Variants in DOCK8 observed in about 807,000 individuals in gnomAD.
The protein encoded by DOCK8 is dedicator of cytokinesis protein 8.
Under a neutral mutation model 245.6 loss-of-function variants are expected in DOCK8, and 141 were observed. The ratio of observed to expected loss-of-function variants is 0.57; its 90% CI spans 0.50 to 0.66. The LOEUF (loss-of-function observed/expected upper bound fraction) is 0.66. Among genes scored for constraint, DOCK8 ranks in the 30% least tolerant of loss-of-function variants. The probability of loss-of-function intolerance (pLI) is 0.00; values close to 1 mark genes in which losing one functional copy is unlikely to be tolerated. For synonymous variants in DOCK8, 1,168 were observed against 970.2 expected (o/e 1.20, Z -3.79); for missense variants, 2,965 against 2,603.4 (o/e 1.14, Z -3.02).
chr9:455,535 T>A (rs1316581668), intron 46 of DOCK8, among the ~76,000 whole-genome samples: 3 of 152,020 alleles, frequency 2.0e-5, no homozygotes, highest in East Asian at 1.9e-4. Flanking sequence ...AAAATGCAGA[T>A]TCTGATTCAG....
rs1310228274 is a variant in DOCK8, at chr9:214,880, C to T, written c.-97C>T. On this transcript the variant is annotated 5_prime_UTR_variant, in exon 1 of 48. Coordinates refer to ENST00000432829, the MANE Select transcript of DOCK8 (RefSeq NM_203447.4). ...AGCGCCGACCGACAGACGAGGTTTG[C>T]GCTTGGCTGGGCATGTTCCGCGGCT... 1 of 1,601,696 alleles carries T rather than the reference C, an allele frequency of 6.2e-7. No individual in the cohort carries two copies. Among genetic ancestry groups the T allele is most frequent in the East Asian group, 2.3e-5 (1 of 43,832 alleles).
At chr9:341,124 A>C (rs376638293) in intron 14 of DOCK8, among the ~76,000 whole-genome samples, 1 of 152,246 alleles carries the variant, frequency 6.6e-6, no homozygotes, top group African/African-American at 2.4e-5. Context: ...CACTAATCAC[A>C]TGTAGCTGTT....
chr9:323,522 A>G lies in DOCK8; in HGVS notation c.828-2149A>G, dbSNP rs533052295. Among the ~76,000 whole-genome samples, 68 of 152,244 alleles carry G rather than the reference A, an allele frequency of 4.5e-4. 1 individual carries two copies. The South Asian group carries it at 4.8e-3, about 11-fold the overall frequency. ...AGGCATGAGCCACTGCGCCTGGCCA[A>G]AATCTACCATCTTAACCATTTTTAA... On this transcript the variant is annotated intron_variant, in intron 7 of 47. Transcript: ENST00000432829.
chr9:230,845 G>A (rs1423201430), intron 1 of DOCK8, among the ~76,000 whole-genome samples: 1 of 152,102 alleles, frequency 6.6e-6, no homozygotes, highest in Non-Finnish European at 1.5e-5. Context: ...CTCCCATTCT[G>A]TAGGTTGCCT....
chr9:375,312 G>A (rs955316475), intron 18 of DOCK8, among the ~76,000 whole-genome samples: 1 of 152,076 alleles, frequency 6.6e-6, no homozygotes, highest in African/African-American at 2.4e-5. Flanking sequence ...AATTTCAATG[G>A]GAATTTAAGG....
At chr9:317,185 C>A in intron 7 of DOCK8, 57 bp downstream of exon 7, 1 of 1,341,974 alleles carries the variant, frequency 7.5e-7, no homozygotes, top group Non-Finnish European at 1.1e-6. Flanking sequence ...CTTTTACATA[C>A]AAATGTTGTG....
At chr9:448,178 GA>G (rs2057323183) in intron 44 of DOCK8, among the ~76,000 whole-genome samples, 2 of 151,888 alleles carry the variant, frequency 1.3e-5, no homozygotes, top group African/African-American at 4.8e-5. Context: ...CTGCAGCCTC[GA>G]CCTCCTGGGC....
At chr9:329,355 T>C (rs2050904184) in intron 9 of DOCK8, among the ~76,000 whole-genome samples, 1 of 152,146 alleles carries the variant, frequency 6.6e-6, no homozygotes, top group Non-Finnish European at 1.5e-5. Flanking sequence ...GTGTTTTATG[T>C]CTGTAGTCTC....
chr9:439,294 T>G lies in DOCK8; in HGVS notation c.5129T>G (p.Leu1710Arg). The change falls in exon 40 of 48, where the codon CTG becomes CGG. Residue 1710 changes from leucine (L) to arginine (R), a missense_variant. Physicochemically the swap from Leu to Arg is moderately radical, Grantham distance 102. Around this residue, in one of 3 missense-constraint regions of DOCK8, gnomAD observed 2,825 missense variants for 2,453.5 expected, o/e 1.15. Transcript: ENST00000432829. ...LEESVVSEDT[L>R]SPDEDGVCAG... ...GAGTCTGTGGTCTCTGAGGACACCC[T>G]GTCACCTGACGAGGATGGGGTGTGC... is the stretch of plus-strand genomic sequence containing the variant. 1 of 1,614,184 alleles carries G rather than the reference T, an allele frequency of 6.2e-7. No individual in the cohort carries two copies. Among genetic ancestry groups the G allele is most frequent in the Non-Finnish European group, 8.5e-7 (1 of 1,180,028 alleles).
intron 1 of DOCK8, 119 bp downstream of exon 1, chr9:215,148 CCTG>C (rs1464678821): frequency 1.7e-5 from 25 of 1,474,512 alleles, no homozygotes; most frequent in Non-Finnish European, 2.1e-5. Flanking sequence ...GCGGGGCGCG[CCTG>C]AGACCTGGGG....
At chr9:385,426 A>G (rs1458923435) in intron 22 of DOCK8, among the ~76,000 whole-genome samples, 1 of 152,256 alleles carries the variant, frequency 6.6e-6, no homozygotes, top group Non-Finnish European at 1.5e-5. Context: ...TAACTATACA[A>G]CTTATACTTC....
chr9:371,251 T>C lies in DOCK8; in HGVS notation c.1869-177T>C, dbSNP rs1773981785. Among the ~76,000 whole-genome samples, 6 of 152,278 alleles carry C rather than the reference T, an allele frequency of 3.9e-5. No individual in the cohort carries two copies. The South Asian group carries it at 1.2e-3, about 32-fold the overall frequency. ...CATGAACAGTTTTATGTAAGGGAAG[T>C]GCATCTAATAACATAAGCTTGGTCT... On this transcript the variant is annotated intron_variant, in intron 16 of 47. Transcript: ENST00000432829.
intron 1 of DOCK8, among the ~76,000 whole-genome samples, chr9:268,670 G>A (rs1385435547): frequency 1.3e-5 from 2 of 152,206 alleles, no homozygotes; most frequent in African/African-American, 4.8e-5. Flanking sequence ...CTTAGGGGAA[G>A]ACCTGGACAC....
intron 11 of DOCK8, among the ~76,000 whole-genome samples, chr9:336,289 C>T (rs1473455785): frequency 6.6e-6 from 1 of 152,220 alleles, no homozygotes; most frequent in East Asian, 1.9e-4. Context: ...AGACCCTGTT[C>T]TGGCTATAGC....
chr9:311,685 G>A (rs1165238641), intron 5 of DOCK8, among the ~76,000 whole-genome samples: 2 of 152,158 alleles, frequency 1.3e-5, no homozygotes, highest in African/African-American at 4.8e-5. Context: ...ATGTAGTACT[G>A]TTTTTAGTCC....
In DOCK8 at chr9:312,434, A is replaced by AT. The variant is rs758384366; in HGVS notation, c.741+269dup. The AT allele has an allele frequency of 6.3e-5, 37 of 584,792 alleles. 1 individual carries two copies. The highest frequency in any genetic ancestry group is 2.4e-4 in the Admixed American group (11 of 46,286). The allele number at this position is 584,792 out of a possible 1,614,324, so 36.2% of individuals were successfully genotyped here. A position where few individuals can be genotyped will look rare whatever the true frequency, so the allele number is the denominator to read the frequency against. On this transcript the variant is annotated intron_variant, in intron 6 of 47. Coordinates refer to ENST00000432829, the MANE Select transcript of DOCK8 (RefSeq NM_203447.4). ...ATGTTCACTAAGAGCATCTCATTTAATCCCCAAATGTTTCAAGGGTCTACA... is the reference window on the plus strand; with the variant it reads ...ATGTTCACTAAGAGCATCTCATTTAATTCCCCAAATGTTTCAAGGGTCTACA...
chr9:274,917 A>T (rs936361812), intron 2 of DOCK8, among the ~76,000 whole-genome samples: 4 of 152,220 alleles, frequency 2.6e-5, no homozygotes, highest in Admixed American at 6.5e-5. Context: ...ACTTGCTGAT[A>T]CAAATGATTG....
chr9:376,018 A>C (rs1024844149), intron 18 of DOCK8, among the ~76,000 whole-genome samples, 192 bp from the exon 19 acceptor site: 1 of 152,154 alleles, frequency 6.6e-6, no homozygotes, highest in Non-Finnish European at 1.5e-5. Flanking sequence ...TAAATACATA[A>C]ATATTAACTA....
intron 11 of DOCK8, among the ~76,000 whole-genome samples, 199 bp downstream of exon 11, chr9:334,583 T>C (rs1402363170): frequency 6.6e-6 from 1 of 152,160 alleles, no homozygotes; most frequent in Admixed American, 6.5e-5. Context: ...TCACGAACAT[T>C]GGTGAAGATT....
Sources: gnomAD v4.1 joint callset for allele counts (sites outside exome capture counted in the v4.1 genomes callset) on GRCh38, gnomAD v4.1.1 for gene constraint, gnomAD v4.1.1 regional missense constraint, MANE v1.5 for transcripts, NCBI Gene and HGNC (gene_info 2026-07-23, HGNC 2026-07-21) for gene names.